COBL: variants seen among roughly 807,000 people sequenced by gnomAD.
COBL encodes the protein protein cordon-bleu.
A neutral mutation model predicts 98.8 loss-of-function variants in COBL; 51 were observed. The observed-to-expected ratio is 0.52, with a 90% confidence interval of 0.41 to 0.65. The LOEUF is 0.65. Among genes scored for constraint, COBL ranks in the 30% least tolerant of loss-of-function variants. The pLI, the probability that COBL is intolerant of heterozygous loss-of-function variation, is 0.00. For missense variants in COBL, 1,617 were observed against 1,617.5 expected, an observed-to-expected ratio of 1.00 and a Z score of 0.01; for synonymous variants, 634 against 651.7, an observed-to-expected ratio of 0.97 and a Z score of 0.41.
chr7:51,183,199 A>G (rs1033656858), intron 5 of COBL, among the ~76,000 whole-genome samples: 1 of 152,216 alleles, frequency 6.6e-6, no homozygotes, highest in Non-Finnish European at 1.5e-5. Flanking sequence ...TGGCACTGAG[A>G]AGGTCTGCAC....
intron 7 of COBL, among the ~76,000 whole-genome samples, chr7:51,044,452 G>A (rs1008476128): frequency 1.3e-5 from 2 of 152,128 alleles, no homozygotes; most frequent in Admixed American, 6.5e-5. Context: ...CTCTTACTGA[G>A]CTTCTAGATT....
intron 1 of COBL, among the ~76,000 whole-genome samples, chr7:51,261,465 T>C (rs1223617163): frequency 1.3e-5 from 2 of 152,086 alleles, no homozygotes; most frequent in Non-Finnish European, 2.9e-5. Flanking sequence ...AATGAATGAA[T>C]GAAGGTGAGA....
At chr7:51,203,065 G>A (rs1032824581) in intron 2 of COBL, among the ~76,000 whole-genome samples, 2 of 150,902 alleles carry the variant, frequency 1.3e-5, no homozygotes, top group East Asian at 3.9e-4. Context: ...ATGAGGAGGA[G>A]GAGGAGGAAG....
At chr7:51,189,054 T>G (rs756953405) in intron 4 of COBL, among the ~76,000 whole-genome samples, 1 of 152,238 alleles carries the variant, frequency 6.6e-6, no homozygotes, top group Non-Finnish European at 1.5e-5. Flanking sequence ...GCTGATATAC[T>G]CAGTGCCACC....
intron 7 of COBL, chr7:51,072,194 G>A (rs1792626515): frequency 6.6e-6 from 1 of 151,034 alleles, no homozygotes; most frequent in Non-Finnish European, 1.5e-5. Flanking sequence ...ACATCTTTTA[G>A]AGAGAAACAT....
At chr7:51,127,840 G>A (rs1676220149) in intron 6 of COBL, among the ~76,000 whole-genome samples, 1 of 152,110 alleles carries the variant, frequency 6.6e-6, no homozygotes, top group African/African-American at 2.4e-5. Context: ...ACCAACCGCT[G>A]GCAAAACACA....
At chr7:51,284,893 T>G (rs1800186538) in intron 1 of COBL, among the ~76,000 whole-genome samples, 1 of 151,996 alleles carries the variant, frequency 6.6e-6, no homozygotes, top group Non-Finnish European at 1.5e-5. Context: ...GACTGAATGT[T>G]TTCCCCTAAG....
intron 1 of COBL, among the ~76,000 whole-genome samples, chr7:51,228,822 C>T (rs1794453472): frequency 6.6e-6 from 1 of 152,130 alleles, no homozygotes; most frequent in Non-Finnish European, 1.5e-5. Flanking sequence ...ATACTCCATG[C>T]TCATGCTGAG....
intron 10 of COBL, among the ~76,000 whole-genome samples, chr7:51,026,974 G>A (rs540164778): frequency 2.0e-5 from 3 of 152,246 alleles, no homozygotes; most frequent in South Asian, 2.1e-4. Flanking sequence ...TCTATGAGAA[G>A]GCACACATAA....
rs752919541 is a variant in COBL at position 51,136,230 on chromosome 7, C to T, written c.885G>A (p.Ser295=). 11 of 1,613,744 alleles carry T rather than the reference C, an allele frequency of 6.8e-6. No homozygotes were observed. Among genetic ancestry groups the T allele is most frequent in the East Asian group, 2.2e-5 (1 of 44,878 alleles). Residue 295 remains serine (S), a synonymous_variant, in exon 6 of 13, where the codon TCG becomes TCA. Coordinates refer to ENST00000265136, the MANE Select transcript of COBL (RefSeq NM_015198.5). ...GAGGGGCTCGGCGCTTCTTCATCTC[C>T]GACTTCACGGACACCCCTGAGATGC... is the stretch of plus-strand genomic sequence containing the variant. ...LGSISGVSVK[S]EMKKRRAPPP...
rs562382658 is a variant in COBL, at chr7:51,233,493, G to C, written c.42-13549C>G. Among the ~76,000 whole-genome samples the C allele has an allele frequency of 7.9e-5, 12 of 152,342 alleles. 1 individual carries two copies. The South Asian group carries it at 2.5e-3, about 32-fold the overall frequency. On this transcript the variant is annotated intron_variant, in intron 1 of 12. Transcript: ENST00000265136. The stretch of plus-strand genomic sequence containing the variant: ...AGTGTGGAAAAGAGAACCAAACCGA[G>C]TGGAAATCCTAAGACAAAAACTGCA...
chr7:51,108,893 CAA>C (rs1229763415), intron 6 of COBL, among the ~76,000 whole-genome samples: 2 of 151,018 alleles, frequency 1.3e-5, no homozygotes, highest in Non-Finnish European at 2.9e-5. Context: ...AGCCGTCACA[CAA>C]AGATACACAC....
At chr7:51,021,478 G>A (rs868158325) in intron 12 of COBL, among the ~76,000 whole-genome samples, 7 of 152,032 alleles carry the variant, frequency 4.6e-5, no homozygotes, top group African/African-American at 1.4e-4. Context: ...CTACAGGCCC[G>A]TGCCACCACA....
At chr7:51,171,890 A>G (rs1230027302) in intron 5 of COBL, among the ~76,000 whole-genome samples, 5 of 152,216 alleles carry the variant, frequency 3.3e-5, no homozygotes, top group Admixed American at 3.3e-4. Context: ...GATACAGAAG[A>G]GTCTTTCCAT....
intron 1 of COBL, among the ~76,000 whole-genome samples, chr7:51,236,030 T>G (rs1795224988): frequency 6.6e-6 from 1 of 152,158 alleles, no homozygotes; most frequent in African/African-American, 2.4e-5. Flanking sequence ...AAAAAAACCC[T>G]TCCCCTTTTA....
At chr7:51,120,966 C>G (rs1024381285) in intron 6 of COBL, among the ~76,000 whole-genome samples, 2 of 152,134 alleles carry the variant, frequency 1.3e-5, no homozygotes, top group Admixed American at 6.5e-5. Context: ...ATGAATCATG[C>G]TGCGATGAAC....
At chr7:51,257,803 C>G (rs113259344) in intron 1 of COBL, among the ~76,000 whole-genome samples, 1 of 151,962 alleles carries the variant, frequency 6.6e-6, no homozygotes, top group Admixed American at 6.5e-5. Context: ...GTAAAATAAT[C>G]TGATCTTTAA....
intron 5 of COBL, among the ~76,000 whole-genome samples, chr7:51,162,059 C>G (rs963175244): frequency 6.6e-6 from 1 of 152,158 alleles, no homozygotes; most frequent in South Asian, 2.1e-4. Flanking sequence ...AACAGAGACC[C>G]GAGAGCTAAC....
chr7:51,253,839 T>C (rs1796960126), intron 1 of COBL, among the ~76,000 whole-genome samples: 1 of 152,224 alleles, frequency 6.6e-6, no homozygotes, highest in African/African-American at 2.4e-5. Context: ...AATTAAGTCT[T>C]TATTCTGGGC....
Sources: gnomAD v4.1 joint callset for allele counts (sites outside exome capture counted in the v4.1 genomes callset) on GRCh38, gnomAD v4.1.1 for gene constraint, MANE v1.5 for transcripts, NCBI Gene and HGNC (gene_info 2026-07-23, HGNC 2026-07-21) for gene names.